The following MYO1D variants were observed in gnomAD, a reference collection of about 807,000 sequenced individuals.
MYO1D encodes the protein unconventional myosin-Id.
A neutral mutation model predicts 122.0 loss-of-function variants in MYO1D; 83 were observed. The ratio of observed to expected loss-of-function variants is 0.68; its 90% CI spans 0.57 to 0.82. The LOEUF is 0.82. Ranked by LOEUF, MYO1D falls within the 40% of genes least tolerant of loss-of-function variation. MYO1D has a pLI of 0.00. For synonymous variants in MYO1D, 464 were observed against 446.9 expected, an observed-to-expected ratio of 1.04 and a Z score of -0.48; for missense variants, 1,157 against 1,269.5, an observed-to-expected ratio of 0.91 and a Z score of 1.35.
At chr17:32,594,569 G>GT (rs1322649414) in intron 21 of MYO1D, 1 of 669,226 alleles carries the variant, frequency 1.5e-6, no homozygotes, top group Admixed American at 2.2e-5. Context: ...GATGGTTTCT[G>GT]TAACATAAAT....
intron 1 of MYO1D, among the ~76,000 whole-genome samples, chr17:32,799,990 T>G (rs1048473249): frequency 1.1e-4 from 17 of 152,076 alleles, no homozygotes; most frequent in African/African-American, 3.1e-4. Context: ...CAAAATGAGG[T>G]ATCACCTCAT....
At chr17:32,592,649 C>A (rs2087448518) in intron 21 of MYO1D, among the ~76,000 whole-genome samples, 1 of 151,576 alleles carries the variant, frequency 6.6e-6, no homozygotes, top group Admixed American at 6.6e-5. Flanking sequence ...CTTAAAAATA[C>A]CAACCAGGAG....
rs189108995 is a variant in MYO1D at position 32,735,831 on chromosome 17, A to G, written c.1746+2422T>C. Among the ~76,000 whole-genome samples, 195 of 152,062 alleles carry G rather than the reference A, an allele frequency of 1.3e-3. 1 individual carries two copies. Among genetic ancestry groups the G allele is most frequent in the African/African-American group, 4.5e-3 (186 of 41,460 alleles). ...ATTAATACTTGCTTTCTTAAATTCT[A>G]TGTTCTTTCACATGAATGTTGCTTT... On this transcript the variant is annotated intron_variant, in intron 14 of 21. Coordinates refer to ENST00000318217, the MANE Select transcript of MYO1D (RefSeq NM_015194.3).
At chr17:32,683,077 C>T (rs1433222503) in intron 16 of MYO1D, among the ~76,000 whole-genome samples, 11 of 120,580 alleles carry the variant, frequency 9.1e-5, no homozygotes, top group South Asian at 3.2e-4. Context: ...ACGTAGTTCT[C>T]GAGCCTTGGT....
At chr17:32,560,577 A>ACATATAT (rs2087114867) in intron 21 of MYO1D, among the ~76,000 whole-genome samples, 1 of 109,946 alleles carries the variant, frequency 9.1e-6, no homozygotes, top group Non-Finnish European at 1.9e-5. Context: ...ATATATATAT[A>ACATATAT]ACTTTTATAC....
chr17:32,853,250 TTCTC>T (rs954003025), intron 1 of MYO1D, among the ~76,000 whole-genome samples: 6 of 152,234 alleles, frequency 3.9e-5, no homozygotes, highest in African/African-American at 1.2e-4. Flanking sequence ...TTCCTAAATG[TTCTC>T]TCTACTTCCA....
At chr17:32,508,187 A>G (rs965727835) in intron 21 of MYO1D, among the ~76,000 whole-genome samples, 3 of 147,876 alleles carry the variant, frequency 2.0e-5, no homozygotes, top group Non-Finnish European at 4.5e-5. Flanking sequence ...GAGCCACTGC[A>G]CCCAGCACCA....
In MYO1D at chr17:32,819,041, A is replaced by G. The variant is rs78696661; in HGVS notation, c.96-38257T>C. On this transcript the variant is annotated intron_variant, in intron 1 of 21. Coordinates refer to ENST00000318217, the MANE Select transcript of MYO1D (RefSeq NM_015194.3). Reference sequence around the variant, plus strand: ...CTGGAAAGTGTTCTATCTACAAAAAAGGAAGTTAGCAGCCGCTGAAAAGTA... The same window carrying G: ...CTGGAAAGTGTTCTATCTACAAAAAGGGAAGTTAGCAGCCGCTGAAAAGTA... Among the ~76,000 whole-genome samples the G allele has an allele frequency of 9.3e-4, 142 of 152,352 alleles. 2 individuals carry two copies. In the East Asian group the frequency reaches 0.01, roughly 11 times the overall value.
intron 18 of MYO1D, 132 bp downstream of exon 18, chr17:32,654,345 T>G: frequency 1.0e-6 from 1 of 996,342 alleles, no homozygotes; most frequent in Non-Finnish European, 1.5e-6. Context: ...CAATAAAATG[T>G]TTTAGTATCT....
At chr17:32,653,756 GT>G in intron 19 of MYO1D, 86 bp downstream of exon 19, 1 of 1,129,636 alleles carries the variant, frequency 8.9e-7, no homozygotes, top group South Asian at 1.3e-5. Flanking sequence ...TGTACCTACT[GT>G]TATGTTTTAT....
chr17:32,683,627 G>T (rs1319888313), intron 16 of MYO1D, among the ~76,000 whole-genome samples: 6 of 151,714 alleles, frequency 4.0e-5, no homozygotes, highest in Non-Finnish European at 7.4e-5. Flanking sequence ...CCAGCTGCGT[G>T]CTGGGAGAAC....
intron 1 of MYO1D, among the ~76,000 whole-genome samples, chr17:32,871,328 C>T (rs887875813): frequency 7.9e-5 from 12 of 152,058 alleles, no homozygotes; most frequent in South Asian, 2.1e-4. Context: ...AAACATCCTA[C>T]GACACACAGG....
chr17:32,764,998 A>G lies in MYO1D; in HGVS notation c.915T>C (p.Ser305=). 1 of 1,614,192 alleles carries G rather than the reference A, an allele frequency of 6.2e-7. No homozygotes were observed. Among genetic ancestry groups the G allele is most frequent in the Non-Finnish European group, 8.5e-7 (1 of 1,180,018 alleles). Residue 305 remains serine (S), a synonymous_variant, in exon 8 of 22, where the codon TCT becomes TCC. Transcript: ENST00000318217. ...KVVSIIAELL[S]TKTDMVEKAL... Reference sequence around the variant, plus strand: ...CTTTCTCAACCATATCTGTCTTAGTAGAGAGCAATTCTGCTATGATAGATA... The same window carrying G: ...CTTTCTCAACCATATCTGTCTTAGTGGAGAGCAATTCTGCTATGATAGATA...
chr17:32,494,864 C>T lies in MYO1D; in HGVS notation c.2916G>A (p.Leu972=), dbSNP rs1311140396. 8.1e-6 allele frequency: 13 copies of T among 1,614,074 alleles called. 1 individual carries two copies. The highest frequency in any genetic ancestry group is 1.1e-5 in the Non-Finnish European group (13 of 1,179,964). The change falls in exon 22 of 22, where the codon CTG becomes CTA. Residue 972 remains leucine, a synonymous_variant. Coordinates refer to ENST00000318217, the MANE Select transcript of MYO1D (RefSeq NM_015194.3). The part of the protein sequence containing the change: ...VNVTNPVQCS[L]HGKKCTVSVE... ...CGGAGACGGTGCACTTCTTCCCGTG[C>T]AGGCTGCACTGTACTGGGTTGGTGA... is the stretch of plus-strand genomic sequence containing the variant.
At chr17:32,676,913 C>T (rs1294082681) in intron 16 of MYO1D, among the ~76,000 whole-genome samples, 1 of 151,976 alleles carries the variant, frequency 6.6e-6, no homozygotes, top group Non-Finnish European at 1.5e-5. Context: ...CAGGTTCACG[C>T]CATTCTCCTG....
At chr17:32,551,556 CCACACACA>C (rs56031542) in intron 21 of MYO1D, among the ~76,000 whole-genome samples, 42,738 of 150,352 alleles carry the variant, frequency 0.28, 6,271 homozygotes, top group Non-Finnish European at 0.33. Context: ...CATCCCACTG[CCACACACA>C]CACACACACA....
At chr17:32,735,438 C>G (rs1281743706) in intron 14 of MYO1D, among the ~76,000 whole-genome samples, 4 of 152,220 alleles carry the variant, frequency 2.6e-5, no homozygotes, top group Non-Finnish European at 5.9e-5. Context: ...CTGCCTTGGC[C>G]TCCCAAAGTG....
chr17:32,744,000 C>T (rs1404881183), intron 13 of MYO1D, among the ~76,000 whole-genome samples: 2 of 152,200 alleles, frequency 1.3e-5, no homozygotes, highest in Admixed American at 6.5e-5. Flanking sequence ...ATAGTAGTAG[C>T]AGCAGTGATA....
intron 19 of MYO1D, among the ~76,000 whole-genome samples, chr17:32,649,154 C>T (rs1223190289): frequency 6.6e-6 from 1 of 152,076 alleles, no homozygotes; most frequent in Non-Finnish European, 1.5e-5. Context: ...GTTTAAGTAG[C>T]CAATTGTGTT....
Sources: allele counts gnomAD v4.1 joint callset (sites outside exome capture counted in the v4.1 genomes callset), GRCh38; gene constraint gnomAD v4.1.1; transcripts MANE v1.5; gene names NCBI Gene and HGNC (gene_info 2026-07-23, HGNC 2026-07-21).